The following NAALADL2 variants were observed in gnomAD, a reference collection of about 807,000 sequenced individuals.
NAALADL2 encodes the protein N-acetylated alpha-linked acidic dipeptidase like 2, also known as inactive N-acetylated-alpha-linked acidic dipeptidase-like protein 2.
Under a neutral mutation model 87.2 loss-of-function variants are expected in NAALADL2, and 76 were observed. The ratio of observed to expected loss-of-function variants is 0.87; its 90% CI spans 0.72 to 1.05. The LOEUF is 1.05. Among genes scored for constraint, NAALADL2 ranks in the 50% least tolerant of loss-of-function variants. The pLI is 0.00. For synonymous variants in NAALADL2, 354 were observed against 331.0 expected (o/e 1.07, Z -0.75); for missense variants, 1,089 against 945.8 (o/e 1.15, Z -1.99).
chr3:174,841,429 C>A (rs982413809), intron 3 of NAALADL2, among the ~76,000 whole-genome samples: 1 of 152,198 alleles, frequency 6.6e-6, no homozygotes, highest in Non-Finnish European at 1.5e-5. Flanking sequence ...CCATGAACAG[C>A]TGTTAAATGT....
chr3:175,431,828 C>T (rs1258805690), intron 5 of NAALADL2, among the ~76,000 whole-genome samples: 1 of 151,866 alleles, frequency 6.6e-6, no homozygotes, highest in Non-Finnish European at 1.5e-5. Context: ...CTACTGAATC[C>T]GTGTGATTAA....
chr3:174,513,275 A>G (rs1578059719), intron 1 of NAALADL2, among the ~76,000 whole-genome samples: 1 of 152,086 alleles, frequency 6.6e-6, no homozygotes, highest in East Asian at 1.9e-4. Context: ...ACCCAGCCAT[A>G]AGCTTGAATT....
At chr3:175,615,681 A>G (rs1423304539) in intron 10 of NAALADL2, among the ~76,000 whole-genome samples, 2 of 151,774 alleles carry the variant, frequency 1.3e-5, no homozygotes, top group Non-Finnish European at 2.9e-5. Flanking sequence ...ATCATGGTGA[A>G]GCCTCGTCTC....
At chr3:174,655,503 A>T (rs1340117477) in intron 2 of NAALADL2, among the ~76,000 whole-genome samples, 2 of 152,104 alleles carry the variant, frequency 1.3e-5, no homozygotes, top group African/African-American at 2.4e-5. Flanking sequence ...GAACTTTTTC[A>T]TGTGATACTA....
intron 5 of NAALADL2, among the ~76,000 whole-genome samples, chr3:175,326,153 C>T (rs554693814): frequency 2.0e-5 from 3 of 152,334 alleles, no homozygotes; most frequent in African/African-American, 7.2e-5. Flanking sequence ...TTAAATTCTA[C>T]CTTCCATAAA....
chr3:175,718,781 G>A, intron 11 of NAALADL2: 1 of 796,384 alleles, frequency 1.3e-6, no homozygotes, highest in Non-Finnish European at 1.9e-6. Context: ...TTAAAAATTA[G>A]CCAAGCATGG....
intron 3 of NAALADL2, among the ~76,000 whole-genome samples, chr3:175,242,981 T>C (rs770728028): frequency 6.6e-6 from 1 of 152,174 alleles, no homozygotes; most frequent in African/African-American, 2.4e-5. Context: ...GCAAAATGTC[T>C]AGCACAGGGG....
chr3:175,632,523 G>C (rs1248448303), intron 11 of NAALADL2, among the ~76,000 whole-genome samples: 2 of 151,988 alleles, frequency 1.3e-5, no homozygotes, highest in Non-Finnish European at 2.9e-5. Flanking sequence ...ATAAGAGTGT[G>C]TGAAAAATAA....
intron 3 of NAALADL2, among the ~76,000 whole-genome samples, chr3:174,760,636 G>A (rs1472482683): frequency 6.6e-6 from 1 of 152,212 alleles, no homozygotes; most frequent in African/African-American, 2.4e-5. Flanking sequence ...GATGGCCACT[G>A]AATGGCCTCT....
At chr3:175,151,006 T>C (rs1395531741) in intron 2 of NAALADL2, among the ~76,000 whole-genome samples, 1 of 152,144 alleles carries the variant, frequency 6.6e-6, no homozygotes, top group East Asian at 1.9e-4. Flanking sequence ...GGAGAGTGAT[T>C]GTTCTACTGG....
intron 12 of NAALADL2, among the ~76,000 whole-genome samples, chr3:175,738,553 T>C (rs369204673): frequency 4.0e-4 from 61 of 152,298 alleles, no homozygotes; most frequent in African/African-American, 1.4e-3. Flanking sequence ...GGCCCCCTTT[T>C]TTTTTCTTTA....
In NAALADL2 at chr3:175,370,457, A is replaced by G. The variant is rs1581619810; in HGVS notation, c.1090+46132A>G. 3.3e-5 allele frequency among the ~76,000 whole-genome samples: 5 copies of G among 151,758 alleles called. No homozygotes were observed. The East Asian group carries it at 9.8e-4, about 30-fold the overall frequency. On this transcript the variant is annotated intron_variant, in intron 5 of 13. Transcript: ENST00000454872. ...CTGATGCTTCTAATCTTATTCTGTA[A>G]TGGTTAAAAAATGACTAGAATTTAG...
chr3:175,457,382 T>G (rs886710632), intron 6 of NAALADL2, among the ~76,000 whole-genome samples: 20 of 152,098 alleles, frequency 1.3e-4, no homozygotes, highest in African/African-American at 4.6e-4. Flanking sequence ...CTTTATAATT[T>G]TTTTCTTTTA....
At chr3:175,398,279 C>G (rs1224990795) in intron 5 of NAALADL2, among the ~76,000 whole-genome samples, 1 of 151,172 alleles carries the variant, frequency 6.6e-6, no homozygotes, top group Non-Finnish European at 1.5e-5. Flanking sequence ...CCAGACTTGA[C>G]CCTCAGCAGG....
intron 9 of NAALADL2, among the ~76,000 whole-genome samples, chr3:175,496,116 G>T (rs1321473092): frequency 6.6e-6 from 1 of 152,142 alleles, no homozygotes; most frequent in Non-Finnish European, 1.5e-5. Context: ...ATGAGATAAT[G>T]CAAATAGTAA....
At chr3:175,303,255 G>A (rs958815442) in intron 4 of NAALADL2, among the ~76,000 whole-genome samples, 9 of 152,016 alleles carry the variant, frequency 5.9e-5, no homozygotes, top group African/African-American at 1.7e-4. Flanking sequence ...CTATCTTTTA[G>A]CATTGTTGTG....
At chr3:175,392,360 C>T (rs183389007) in intron 5 of NAALADL2, among the ~76,000 whole-genome samples, 308 of 152,182 alleles carry the variant, frequency 2.0e-3, no homozygotes, top group African/African-American at 7.3e-3. Flanking sequence ...CATGAAGAAT[C>T]AGAAATAGGT....
At chr3:174,701,076 C>G (rs1729506154) in intron 2 of NAALADL2, among the ~76,000 whole-genome samples, 1 of 149,830 alleles carries the variant, frequency 6.7e-6, no homozygotes, top group African/African-American at 2.4e-5. Flanking sequence ...ATTTTAAGTG[C>G]AGGGAAGGGA....
intron 2 of NAALADL2, among the ~76,000 whole-genome samples, chr3:174,576,762 T>G (rs536471349): frequency 6.6e-6 from 1 of 152,350 alleles, no homozygotes; most frequent in Non-Finnish European, 1.5e-5. Context: ...AAGTAAGGTT[T>G]AAATGATAGC....
Sources: allele counts gnomAD v4.1 joint callset (sites outside exome capture counted in the v4.1 genomes callset), GRCh38; gene constraint gnomAD v4.1.1; transcripts MANE v1.5; gene names NCBI Gene and HGNC (gene_info 2026-07-23, HGNC 2026-07-21).